Variants in TULP4 observed in about 807,000 individuals in gnomAD.
TULP4 encodes the protein TUB like protein 4, also known as tubby-related protein 4.
Under a neutral mutation model 129.0 loss-of-function variants are expected in TULP4, and 16 were observed. That is an observed-to-expected ratio of 0.12 (90% CI 0.08 to 0.19). The LOEUF is 0.19. TULP4 is among the 10% of genes least tolerant of loss of function. TULP4 has a pLI of 1.00. For missense variants in TULP4, 1,842 were observed against 2,059.1 expected (o/e 0.89, Z 2.04); for synonymous variants, 998 against 854.0 (o/e 1.17, Z -2.94).
chr6:158,293,135 A>G (rs1478105402), intron 1 of TULP4, among the ~76,000 whole-genome samples: 2 of 152,192 alleles, frequency 1.3e-5, no homozygotes, highest in African/African-American at 4.8e-5. Flanking sequence ...TGTACAGATA[A>G]TTACATGTTC....
intron 1 of TULP4, among the ~76,000 whole-genome samples, chr6:158,359,026 T>C (rs568389734): frequency 8.5e-5 from 13 of 152,326 alleles, no homozygotes; most frequent in African/African-American, 3.1e-4. Context: ...ATTACATGCA[T>C]GCTTCCCTTC....
intron 1 of TULP4, among the ~76,000 whole-genome samples, chr6:158,365,027 G>C (rs779995822): frequency 8.6e-5 from 13 of 151,830 alleles, no homozygotes; most frequent in Non-Finnish European, 1.8e-4. Context: ...GAGCCACCGC[G>C]CCCAGCCCCT....
intron 5 of TULP4, among the ~76,000 whole-genome samples, chr6:158,457,330 C>T (rs1779314507): frequency 6.6e-6 from 1 of 152,188 alleles, no homozygotes; most frequent in African/African-American, 2.4e-5. Flanking sequence ...CTCTTGGTCC[C>T]TGCCCAGGCC....
At position 158,508,084 on chromosome 6, in the gene TULP4, C is replaced by T. The variant is rs1015473560; in HGVS notation, c.*1390C>T. The stretch of plus-strand genomic sequence containing the variant: ...CCTAGAATATCTCTTCCCACTTCCT[C>T]GTCCTCGTGAGAACCTGTGGGCAGT... On this transcript the variant is annotated 3_prime_UTR_variant, in exon 14 of 14. Coordinates refer to ENST00000367097, the MANE Select transcript of TULP4 (RefSeq NM_020245.5). 9 of 152,322 alleles carry T rather than the reference C, an allele frequency of 5.9e-5. No individual in the cohort carries two copies. Among genetic ancestry groups the T allele is most frequent in the African/African-American group, 1.4e-4 (6 of 41,574 alleles). The allele number at this position is 152,322 out of a possible 1,614,324, so 9.4% of individuals were successfully genotyped here. A position where few individuals can be genotyped will look rare whatever the true frequency, so the allele number is the denominator to read the frequency against.
At position 158,349,173 on chromosome 6, in the gene TULP4, G is replaced by A. The variant is rs1430636468; in HGVS notation, c.252+34905G>A. The stretch of plus-strand genomic sequence containing the variant: ...ATACACTCCTCACTTCCCACACGGG[G>A]CGGCTGCCCGGCAGAGGCGCTCCTC... On this transcript the variant is annotated intron_variant, in intron 1 of 13. Coordinates refer to ENST00000367097, the MANE Select transcript of TULP4 (RefSeq NM_020245.5). Among the ~76,000 whole-genome samples, 164 of 145,208 alleles carry A rather than the reference G, an allele frequency of 1.1e-3. 4 individuals carry two copies. Among genetic ancestry groups the A allele is most frequent in the Non-Finnish European group, 9.8e-4 (64 of 65,326 alleles).
At chr6:158,382,870 A>G (rs1009143085) in intron 1 of TULP4, among the ~76,000 whole-genome samples, 1 of 152,244 alleles carries the variant, frequency 6.6e-6, no homozygotes, top group Non-Finnish European at 1.5e-5. Context: ...GCAAGGGTTG[A>G]CATATTAATT....
chr6:158,264,276 C>T (rs993181259), intron 1 of TULP4, among the ~76,000 whole-genome samples: 1 of 152,044 alleles, frequency 6.6e-6, no homozygotes, highest in Non-Finnish European at 1.5e-5. Flanking sequence ...AGGGCAGTGG[C>T]GTGTGTCGTT....
At chr6:158,367,027 T>C (rs1031911732) in intron 1 of TULP4, among the ~76,000 whole-genome samples, 4 of 150,612 alleles carry the variant, frequency 2.7e-5, no homozygotes, top group East Asian at 1.9e-4. Flanking sequence ...CCAATTCTTA[T>C]TTTCTAAGCT....
chr6:158,248,564 C>T (rs988585994), intron 1 of TULP4, among the ~76,000 whole-genome samples: 18 of 152,076 alleles, frequency 1.2e-4, no homozygotes, highest in East Asian at 1.9e-4. Flanking sequence ...CCACCGTGCC[C>T]GGCGTCTGTT....
intron 1 of TULP4, among the ~76,000 whole-genome samples, chr6:158,304,760 G>T (rs528401197): frequency 3.7e-4 from 56 of 151,536 alleles, no homozygotes; most frequent in Non-Finnish European, 7.4e-4. Context: ...TTGAGTTCCC[G>T]GGCTCAAGCA....
rs1006302381 is a variant in TULP4, at chr6:158,242,211, A to G, written n.68+9908A>G. ...TGTCTTCTGATAATGAATGGTGGCA[A>G]AGACCTTCAGCTTTTTGTAGGATGT... On this transcript the variant is annotated intron_variant and non_coding_transcript_variant, in intron 1 of 1. Coordinates refer to the TULP4 transcript ENST00000620026. 6 of 1,468,160 alleles carry G rather than the reference A, an allele frequency of 4.1e-6. No individual in the cohort carries two copies. In the African/African-American group the frequency reaches 5.6e-5, roughly 14 times the overall value. The allele number at this position is 1,468,160 out of a possible 1,614,324, so 90.9% of individuals were successfully genotyped here. A position where few individuals can be genotyped will look rare whatever the true frequency, so the allele number is the denominator to read the frequency against.
At chr6:158,407,270 G>C (rs1410238767) in intron 1 of TULP4, among the ~76,000 whole-genome samples, 1 of 152,244 alleles carries the variant, frequency 6.6e-6, no homozygotes, top group Non-Finnish European at 1.5e-5. Flanking sequence ...AAGCACATGA[G>C]AAGATGCTCC....
chr6:158,284,618 G>C (rs1008202438), intron 1 of TULP4, among the ~76,000 whole-genome samples: 1 of 152,186 alleles, frequency 6.6e-6, no homozygotes, highest in South Asian at 2.1e-4. Flanking sequence ...GCTGTTCTCA[G>C]TGCTGTGGTT....
chr6:158,475,261 C>A (rs1431145753), intron 6 of TULP4, among the ~76,000 whole-genome samples: 4 of 152,352 alleles, frequency 2.6e-5, no homozygotes, highest in Admixed American at 1.3e-4. Flanking sequence ...CCATGGGCCA[C>A]TCGCCTCCAG....
chr6:158,461,777 G>A, intron 6 of TULP4, 48 bp downstream of exon 6: 2 of 1,555,448 alleles, frequency 1.3e-6, no homozygotes, highest in Non-Finnish European at 1.7e-6. Flanking sequence ...GTATACTAGT[G>A]AATAGGTTAT....
At position 158,313,966 on chromosome 6, in the gene TULP4, T is replaced by A. The variant is rs1430716838; in HGVS notation, c.-51T>A. 1.9e-6 allele frequency: 3 copies of A among 1,581,918 alleles called. No individual in the cohort carries two copies. Among genetic ancestry groups the A allele is most frequent in the African/African-American group, 2.7e-5 (2 of 73,782 alleles). ...TACCAATGAAAGAAATTGGTTTAAA[T>A]TTCACAGCATTAACATTACTTTTTA... On this transcript the variant is annotated 5_prime_UTR_variant, in exon 1 of 14. Coordinates refer to ENST00000367097, the MANE Select transcript of TULP4 (RefSeq NM_020245.5).
rs73027752 is a variant in TULP4, at chr6:158,449,345, C to G, written c.724+169C>G. 2.7e-3 allele frequency among the ~76,000 whole-genome samples: 418 copies of G among 152,268 alleles called. 1 individual carries two copies. Among genetic ancestry groups the G allele is most frequent in the Middle Eastern group, 6.8e-3 (2 of 294 alleles). ...AAATGCAAGGTAGGGCTGGCCTCAT[C>G]TAGATGTGACTGTCTCCCCGCTGTT... is the stretch of plus-strand genomic sequence containing the variant. On this transcript the variant is annotated intron_variant, in intron 4 of 13. Coordinates refer to ENST00000367097, the MANE Select transcript of TULP4 (RefSeq NM_020245.5).
chr6:158,439,901 C>A (rs1778847200), intron 3 of TULP4, among the ~76,000 whole-genome samples: 1 of 150,932 alleles, frequency 6.6e-6, no homozygotes, highest in Non-Finnish European at 1.5e-5. Context: ...TTTGTAGAGG[C>A]GGGGTTTCAC....
At chr6:158,259,620 T>G (rs1778313340) in intron 1 of TULP4, among the ~76,000 whole-genome samples, 1 of 152,214 alleles carries the variant, frequency 6.6e-6, no homozygotes, top group Non-Finnish European at 1.5e-5. Context: ...AACACCAGCT[T>G]GGTGTCACTT....
Sources: gnomAD v4.1 joint callset for allele counts (sites outside exome capture counted in the v4.1 genomes callset) on GRCh38, gnomAD v4.1.1 for gene constraint, MANE v1.5 for transcripts, NCBI Gene and HGNC (gene_info 2026-07-23, HGNC 2026-07-21) for gene names.